The following PCDHGA1 variants were observed in gnomAD, a reference collection of about 807,000 sequenced individuals.
PCDHGA1 encodes the protein protocadherin gamma-A1.
In PCDHGA1, 32 loss-of-function variants were observed where a neutral mutation model predicts 58.0. That is an observed-to-expected ratio of 0.55 (90% CI 0.42 to 0.74). The LOEUF (loss-of-function observed/expected upper bound fraction) is 0.74, where lower values mean the gene tolerates loss of function less well. Among genes scored for constraint, PCDHGA1 ranks in the 30% least tolerant of loss-of-function variants. The pLI is 0.00. For missense variants in PCDHGA1, 1,205 were observed against 1,182.3 expected, an observed-to-expected ratio of 1.02 and a Z score of -0.28; for synonymous variants, 498 against 501.1, an observed-to-expected ratio of 0.99 and a Z score of 0.08.
intron 1 of PCDHGA1, chr5:141,359,958 AG>A (rs1446776013): frequency 1.7e-6 from 1 of 585,260 alleles, no homozygotes; most frequent in African/African-American, 1.9e-5. Flanking sequence ...AAAAGAACGA[AG>A]AGAAGCGTTT....
intron 1 of PCDHGA1, among the ~76,000 whole-genome samples, chr5:141,363,018 G>T (rs1022427881): frequency 6.6e-6 from 1 of 152,216 alleles, no homozygotes; most frequent in Non-Finnish European, 1.5e-5. Context: ...GGCATGGGTA[G>T]GACATTGTCC....
At chr5:141,481,465 T>C (rs561789315) in intron 1 of PCDHGA1, among the ~76,000 whole-genome samples, 2 of 152,334 alleles carry the variant, frequency 1.3e-5, no homozygotes, top group South Asian at 2.1e-4. Context: ...CTGAAAACCA[T>C]TGGATTATAC....
At chr5:141,451,288 C>G (rs1308574266) in intron 1 of PCDHGA1, among the ~76,000 whole-genome samples, 3 of 152,200 alleles carry the variant, frequency 2.0e-5, no homozygotes, top group Non-Finnish European at 4.4e-5. Context: ...GCCTCTGCCT[C>G]AAAGTCTTAC....
intron 2 of PCDHGA1, among the ~76,000 whole-genome samples, chr5:141,504,960 T>C (rs9324851): frequency 0.59 from 89,328 of 151,916 alleles, 27,885 homozygotes; most frequent in African/African-American, 0.8. Context: ...TTCAATGCAT[T>C]GGACCAGCCT....
At chr5:141,413,844 C>A in intron 1 of PCDHGA1, 2 of 1,613,254 alleles carry the variant, frequency 1.2e-6, no homozygotes, top group Non-Finnish European at 1.7e-6. Context: ...ACGGGGGTGA[C>A]CCTCTCCGAT....
At position 141,455,318 on chromosome 5, in the gene PCDHGA1, G is replaced by A. The variant is rs534507768; in HGVS notation, c.2422-39489G>A. On this transcript the variant is annotated intron_variant, in intron 1 of 3. Transcript: ENST00000517417. ...TTTCATCTTGCATTAGCAATTTTGT[G>A]TGTGTGTTTGTGGTTTTAAGGAGCG... is the stretch of plus-strand genomic sequence containing the variant. Among the ~76,000 whole-genome samples the A allele has an allele frequency of 2.4e-4, 37 of 152,186 alleles. No individual in the cohort carries two copies. The South Asian group carries it at 5.6e-3, about 23-fold the overall frequency.
rs755732164 is a variant in PCDHGA1 at position 141,375,200 on chromosome 5, G to T, written c.2421+42095G>T. ...AGTAATCGCCCTTTTTCAAGTGTTC[G>T]ATCGAGACTCTGGCCTGAATGGCCT... On this transcript the variant is annotated intron_variant, in intron 1 of 3. Coordinates refer to ENST00000517417, the MANE Select transcript of PCDHGA1 (RefSeq NM_018912.3). 8.1e-6 allele frequency: 13 copies of T among 1,613,822 alleles called. No individual in the cohort carries two copies. Among genetic ancestry groups the T allele is most frequent in the East Asian group, 2.2e-5 (1 of 44,902 alleles).
chr5:141,372,787 C>A (rs370329594), intron 1 of PCDHGA1: 229 of 1,603,212 alleles, frequency 1.4e-4, no homozygotes, highest in Non-Finnish European at 1.9e-4. Flanking sequence ...GAAATGCCTT[C>A]TAATTCAGGC....
chr5:141,371,455 A>G (rs1030277886), intron 1 of PCDHGA1: 3 of 1,613,904 alleles, frequency 1.9e-6, no homozygotes, highest in Non-Finnish European at 2.5e-6. Context: ...TCTGAATCCC[A>G]ACATATACAA....
chr5:141,436,817 TA>T (rs1431750380), intron 1 of PCDHGA1, among the ~76,000 whole-genome samples: 1 of 152,244 alleles, frequency 6.6e-6, no homozygotes, highest in Non-Finnish European at 1.5e-5. Context: ...ACAGCTGGTT[TA>T]AAAATCTTAA....
At chr5:141,404,044 A>G (rs752955570) in intron 1 of PCDHGA1, 3 of 1,613,936 alleles carry the variant, frequency 1.9e-6, no homozygotes, top group South Asian at 1.1e-5. Context: ...CTCAGGGAAC[A>G]GTAATTCTTC....
Position 141,474,403 on chromosome 5 carries a change from C to T in PCDHGA1, c.2422-20404C>T, listed in dbSNP as rs553745731. ...ATTTCTGCATTTCTAACAAGCTCCC[C>T]GGTGATGCCTAGACCATTGGTCCTC... is the stretch of plus-strand genomic sequence containing the variant. On this transcript the variant is annotated intron_variant, in intron 1 of 3. Coordinates refer to ENST00000517417, the MANE Select transcript of PCDHGA1 (RefSeq NM_018912.3). Among the ~76,000 whole-genome samples, 121 of 152,282 alleles carry T rather than the reference C, an allele frequency of 7.9e-4. 1 individual carries two copies. Among genetic ancestry groups the T allele is most frequent in the Admixed American group, 3.9e-3 (59 of 15,292 alleles).
intron 1 of PCDHGA1, chr5:141,339,620 G>A (rs1588446682): frequency 6.2e-7 from 1 of 1,614,176 alleles, no homozygotes; most frequent in East Asian, 2.2e-5. Context: ...GGCTTCTGAT[G>A]GGGGTGACCC....
chr5:141,360,822 A>C, intron 1 of PCDHGA1: 2 of 1,613,994 alleles, frequency 1.2e-6, no homozygotes, highest in Non-Finnish European at 1.7e-6. Flanking sequence ...CCCAAATCCG[A>C]ATCAAAGTCA....
At chr5:141,384,783 G>A in intron 1 of PCDHGA1, 4 of 1,613,678 alleles carry the variant, frequency 2.5e-6, no homozygotes, top group South Asian at 1.1e-5. Flanking sequence ...AGGTGCGCAC[G>A]GCTCGGGCCC....
chr5:141,389,487 C>T (rs997165354), intron 1 of PCDHGA1: 2 of 1,612,906 alleles, frequency 1.2e-6, no homozygotes, highest in African/African-American at 1.3e-5. Context: ...GGCCCGCGAC[C>T]AGGGCTCGCC....
intron 1 of PCDHGA1, chr5:141,355,950 T>A: frequency 6.2e-7 from 1 of 1,613,924 alleles, no homozygotes; most frequent in Non-Finnish European, 8.5e-7. Flanking sequence ...ACCACGTAAG[T>A]GTTCGTGAGA....
chr5:141,482,383 G>A (rs1594230401), intron 1 of PCDHGA1, among the ~76,000 whole-genome samples: 2 of 152,240 alleles, frequency 1.3e-5, no homozygotes, highest in East Asian at 3.9e-4. Context: ...TAAAGTCCCT[G>A]TATGGAGCAA....
chr5:141,511,276 T>C lies in PCDHGA1; in HGVS notation c.*103T>C. On this transcript the variant is annotated 3_prime_UTR_variant, in exon 4 of 4. Coordinates refer to ENST00000517417, the MANE Select transcript of PCDHGA1 (RefSeq NM_018912.3). ...AGAGTTTCAGGGCTAACCCCCAGAA[T>C]ACTGGTAGGGGCCAAGGCCATGCTC... 6.5e-7 allele frequency: 1 copy of C among 1,538,084 alleles called. No homozygotes were observed. Among genetic ancestry groups the C allele is most frequent in the Non-Finnish European group, 8.8e-7 (1 of 1,140,720 alleles).
Sources: allele counts gnomAD v4.1 joint callset (sites outside exome capture counted in the v4.1 genomes callset), GRCh38; gene constraint gnomAD v4.1.1; transcripts MANE v1.5; gene names NCBI Gene and HGNC (gene_info 2026-07-23, HGNC 2026-07-21).